NID1: variants seen among roughly 807,000 people sequenced by gnomAD.
NID1 encodes the protein nidogen-1.
A neutral mutation model predicts 130.6 loss-of-function variants in NID1; 76 were observed. The observed-to-expected ratio is 0.58, with a 90% confidence interval of 0.48 to 0.70. The LOEUF (loss-of-function observed/expected upper bound fraction) is 0.70. Ranked by LOEUF, NID1 falls within the 30% of genes least tolerant of loss-of-function variation. NID1 has a pLI of 0.00. For missense variants in NID1, 1,517 were observed against 1,664.8 expected (o/e 0.91, Z 1.54); for synonymous variants, 665 against 675.1 (o/e 0.98, Z 0.23).
chr1:236,044,456 G>A (rs564368755), intron 3 of NID1, among the ~76,000 whole-genome samples: 2 of 152,254 alleles, frequency 1.3e-5, no homozygotes, highest in East Asian at 3.9e-4. Flanking sequence ...AATGGTGCAT[G>A]TTTTCTGAAC....
At chr1:235,996,172 A>C (rs535121281) in intron 12 of NID1, among the ~76,000 whole-genome samples, 1 of 151,882 alleles carries the variant, frequency 6.6e-6, no homozygotes, top group South Asian at 2.1e-4. Context: ...CAAAACGAAA[A>C]CCCAAAAAAC....
At chr1:235,980,010 A>AC (rs397764310) in intron 17 of NID1, 65 bp from the exon 18 acceptor site, 1 of 1,581,916 alleles carries the variant, frequency 6.3e-7, no homozygotes, top group Non-Finnish European at 8.7e-7. Flanking sequence ...TGCAAAAAAA[A>AC]CAAGAGTAAT....
chr1:236,030,938 T>C (rs1572607094), intron 6 of NID1, among the ~76,000 whole-genome samples: 1 of 151,050 alleles, frequency 6.6e-6, no homozygotes, highest in Admixed American at 6.6e-5. Flanking sequence ...AGGGAAGGAG[T>C]GGGGTCTGTG....
chr1:235,980,699 T>C lies in NID1; in HGVS notation c.3228-46A>G, dbSNP rs774297304. 2.5e-6 allele frequency: 4 copies of C among 1,584,484 alleles called. No homozygotes were observed. The African/African-American group carries it at 5.4e-5, about 21-fold the overall frequency. On this transcript the variant is annotated intron_variant, in intron 16 of 19. Transcript: ENST00000264187. ...GAAAGAGGAAAAGAAATAATAAGGA[T>C]GCATGAGAAAAAGTTTATGAAAAAC...
chr1:236,008,489 T>C (rs1319154304), intron 12 of NID1, among the ~76,000 whole-genome samples: 4 of 152,158 alleles, frequency 2.6e-5, no homozygotes, highest in Non-Finnish European at 4.4e-5. Flanking sequence ...TAATGTTTCA[T>C]AAAGTATTTA....
chr1:236,031,125 T>TC (rs1659085935), intron 6 of NID1, among the ~76,000 whole-genome samples: 1 of 151,396 alleles, frequency 6.6e-6, no homozygotes, highest in East Asian at 1.9e-4. Flanking sequence ...TTTCTTTTTT[T>TC]CTTTTTTTTT....
In NID1 at chr1:235,980,002, C is replaced by CA. The variant is rs3831989; in HGVS notation, c.3386-58dup. 0.2 allele frequency: 319,924 copies of CA among 1,570,962 alleles called. 36,285 individuals carry two copies. Among genetic ancestry groups the CA allele is most frequent in the East Asian group, 0.62 (26,290 of 42,684 alleles). ...TCACACAAGAAATGGCCCCTTTGTG[C>CA]AAAAAAAACAAGAGTAATGAGGGCA... On this transcript the variant is annotated intron_variant, in intron 17 of 19. Coordinates refer to ENST00000264187, the MANE Select transcript of NID1 (RefSeq NM_002508.3).
intron 7 of NID1, among the ~76,000 whole-genome samples, chr1:236,026,475 C>T (rs1042187806): frequency 9.2e-5 from 14 of 152,142 alleles, no homozygotes; most frequent in South Asian, 2.1e-4. Flanking sequence ...TGGAAAGAGA[C>T]GCCCCTGAAT....
At chr1:236,029,994 G>C (rs1659049838) in intron 6 of NID1, among the ~76,000 whole-genome samples, 1 of 152,182 alleles carries the variant, frequency 6.6e-6, no homozygotes. Flanking sequence ...GTTGGCTCAA[G>C]GGTTGTGCTG....
intron 12 of NID1, among the ~76,000 whole-genome samples, chr1:236,006,487 A>G (rs897284962): frequency 3.9e-5 from 6 of 152,192 alleles, no homozygotes; most frequent in Non-Finnish European, 2.9e-5. Context: ...CTGTACAATG[A>G]GTGTGCAATC....
At chr1:236,002,991 C>T (rs1458333784) in intron 12 of NID1, among the ~76,000 whole-genome samples, 2 of 152,162 alleles carry the variant, frequency 1.3e-5, no homozygotes, top group Non-Finnish European at 2.9e-5. Context: ...CAAATCCTCC[C>T]TCTCTCACTC....
chr1:236,054,383 G>C (rs577634496), intron 1 of NID1, among the ~76,000 whole-genome samples: 2 of 152,076 alleles, frequency 1.3e-5, no homozygotes, highest in Non-Finnish European at 2.9e-5. Flanking sequence ...TTGAACCTGG[G>C]AGGTGGAGGT....
At chr1:236,035,108 G>C (rs1387046751) in intron 5 of NID1, among the ~76,000 whole-genome samples, 1 of 136,596 alleles carries the variant, frequency 7.3e-6, no homozygotes, top group East Asian at 2.2e-4. Context: ...TCGTCATCTA[G>C]CATTAGGTAT....
chr1:235,993,818 C>G lies in NID1; in HGVS notation c.2582G>C (p.Gly861Ala). The change falls in exon 13 of 20, where the codon GGG (glycine) becomes GCG (alanine). Residue 861 changes from glycine (G) to alanine (A), a missense_variant. Transcript: ENST00000264187. ...AATGGGTCGCTGTGGGTCTGTCGCC[C>G]CCGCTGCCCCGAGAATGTGTTCTCG... ...HEREHILGAA[G>A]ATDPQRPIPP... The G allele has an allele frequency of 6.2e-7, 1 of 1,614,120 alleles. No individual in the cohort carries two copies. Among genetic ancestry groups the G allele is most frequent in the South Asian group, 1.1e-5 (1 of 91,088 alleles).
chr1:235,997,822 G>A (rs1397598272), intron 12 of NID1, among the ~76,000 whole-genome samples: 1 of 151,914 alleles, frequency 6.6e-6, no homozygotes, highest in African/African-American at 2.4e-5. Context: ...TGGCCAGGCT[G>A]GTCTCGAACT....
rs768273086 is a variant in NID1 at position 236,017,187 on chromosome 1, C to T, written c.2215G>A (p.Val739Met). 2 of 1,614,058 alleles carry T rather than the reference C, an allele frequency of 1.2e-6. No homozygotes were observed. Among genetic ancestry groups the T allele is most frequent in the Non-Finnish European group, 1.7e-6 (2 of 1,180,026 alleles). Residue 739 changes from valine to methionine, a missense_variant, in exon 10 of 20, where the codon GTG becomes ATG. Physicochemically the swap from Val to Met is conservative, Grantham distance 21. Coordinates refer to ENST00000264187, the MANE Select transcript of NID1 (RefSeq NM_002508.3). Reference sequence around the variant, plus strand: ...TCATCTGAAAACTGGTAGCCCTCCACACACTCGCAGCGGAAGGTTCCTGGG... The same window carrying T: ...TCATCTGAAAACTGGTAGCCCTCCATACACTCGCAGCGGAAGGTTCCTGGG... ...NHPGTFRCECVEGYQFSDEGT... is the reference protein window; with the variant it reads ...NHPGTFRCECMEGYQFSDEGT...
intron 1 of NID1, among the ~76,000 whole-genome samples, chr1:236,050,832 C>A (rs1349535336): frequency 1.3e-5 from 2 of 152,120 alleles, no homozygotes; most frequent in African/African-American, 4.8e-5. Context: ...AATCCCAACA[C>A]TTTGGGAAGC....
intron 2 of NID1, 42 bp from the exon 3 acceptor site, chr1:236,045,725 G>A (rs749166360): frequency 1.4e-6 from 2 of 1,427,870 alleles, no homozygotes; most frequent in African/African-American, 1.4e-5. Flanking sequence ...GAAAAATATC[G>A]ATAGATTTTA....
At chr1:236,046,498 C>T (rs892460395) in intron 2 of NID1, among the ~76,000 whole-genome samples, 6 of 151,856 alleles carry the variant, frequency 4.0e-5, no homozygotes, top group East Asian at 1.9e-4. Context: ...CAAGGCCTCA[C>T]GGGAGGGCCC....
Sources: gnomAD v4.1 joint callset for allele counts (sites outside exome capture counted in the v4.1 genomes callset) on GRCh38, gnomAD v4.1.1 for gene constraint, MANE v1.5 for transcripts, NCBI Gene and HGNC (gene_info 2026-07-23, HGNC 2026-07-21) for gene names.